The following PID1 variants were observed in gnomAD, a reference collection of about 807,000 sequenced individuals.
The protein encoded by PID1 is phosphotyrosine interaction domain containing 1, also known as PTB-containing, cubilin and LRP1-interacting protein.
In PID1, 10 loss-of-function variants were observed where a neutral mutation model predicts 19.1. The ratio of observed to expected loss-of-function variants is 0.52; its 90% CI spans 0.32 to 0.89. PID1 has a LOEUF of 0.89. Ranked by LOEUF, PID1 falls within the 40% of genes least tolerant of loss-of-function variation. The pLI is 0.03. For missense variants in PID1, 248 were observed against 285.3 expected, an observed-to-expected ratio of 0.87 and a Z score of 0.94; for synonymous variants, 130 against 116.0, an observed-to-expected ratio of 1.12 and a Z score of -0.78.
intron 1 of PID1, among the ~76,000 whole-genome samples, chr2:229,250,397 T>C (rs1372225129): frequency 6.6e-6 from 1 of 152,210 alleles, no homozygotes; most frequent in Admixed American, 6.5e-5. Flanking sequence ...TCTGATACCA[T>C]ATCAGACCCA....
intron 2 of PID1, among the ~76,000 whole-genome samples, chr2:229,082,807 T>C (rs1225127938): frequency 1.3e-5 from 2 of 152,140 alleles, no homozygotes; most frequent in Non-Finnish European, 2.9e-5. Flanking sequence ...AGATTTCAGA[T>C]TTTTAAGGCC....
At chr2:229,116,845 G>T (rs1385554581) in intron 2 of PID1, among the ~76,000 whole-genome samples, 2 of 151,950 alleles carry the variant, frequency 1.3e-5, no homozygotes, top group Non-Finnish European at 2.9e-5. Flanking sequence ...CACCCCAGTT[G>T]CTTTTTTTCA....
intron 1 of PID1, chr2:229,262,891 C>T: frequency 6.6e-7 from 1 of 1,517,632 alleles, no homozygotes; most frequent in Non-Finnish European, 8.8e-7. Flanking sequence ...CTGCAAATCT[C>T]TCCTTATAAG....
intron 2 of PID1, among the ~76,000 whole-genome samples, chr2:229,143,792 C>T (rs1202973427): frequency 6.6e-6 from 1 of 152,058 alleles, no homozygotes; most frequent in African/African-American, 2.4e-5. Flanking sequence ...CTTCCCCAAC[C>T]CCTGCTGCTA....
intron 2 of PID1, among the ~76,000 whole-genome samples, chr2:229,090,756 A>ATCAT (rs1694856119): frequency 1.3e-5 from 2 of 152,364 alleles, no homozygotes; most frequent in Non-Finnish European, 2.9e-5. Flanking sequence ...ATGAGTCATC[A>ATCAT]TCATTCATTC....
intron 1 of PID1, among the ~76,000 whole-genome samples, chr2:229,180,112 T>G (rs1690908139): frequency 6.6e-6 from 1 of 152,202 alleles, no homozygotes; most frequent in Non-Finnish European, 1.5e-5. Context: ...CTTCATCTTT[T>G]AAACCTCTGC....
At chr2:229,262,297 T>C (rs1361587192) in intron 1 of PID1, among the ~76,000 whole-genome samples, 1 of 152,202 alleles carries the variant, frequency 6.6e-6, no homozygotes, top group African/African-American at 2.4e-5. Flanking sequence ...TCTTCAGGCC[T>C]GAAGCTCATG....
At chr2:229,052,771 G>A (rs2106185267) in intron 2 of PID1, among the ~76,000 whole-genome samples, 2 of 152,134 alleles carry the variant, frequency 1.3e-5, no homozygotes, top group South Asian at 4.1e-4. Context: ...TTGACATGAG[G>A]AAAAAAGGTA....
At chr2:229,068,443 A>G (rs1190018791) in intron 2 of PID1, among the ~76,000 whole-genome samples, 1 of 1,228 alleles carries the variant, frequency 8.1e-4, no homozygotes, top group Non-Finnish European at 1.9e-3. Flanking sequence ...TTTGTCTTCA[A>G]CAAAAAAAAA....
At chr2:229,121,638 T>A in intron 2 of PID1, among the ~76,000 whole-genome samples, 1 of 152,232 alleles carries the variant, frequency 6.6e-6, no homozygotes, top group Non-Finnish European at 1.5e-5. Context: ...AAAATGGGCT[T>A]ATTCATTTGC....
At chr2:229,091,750 G>A (rs1694882385) in intron 2 of PID1, among the ~76,000 whole-genome samples, 1 of 152,146 alleles carries the variant, frequency 6.6e-6, no homozygotes, top group Admixed American at 6.6e-5. Context: ...ATGAACTGAG[G>A]CACTCACAAA....
intron 2 of PID1, among the ~76,000 whole-genome samples, chr2:229,068,083 G>A (rs1694368957): frequency 6.6e-6 from 1 of 152,166 alleles, no homozygotes; most frequent in Non-Finnish European, 1.5e-5. Context: ...TCTCACATTT[G>A]ACTGGAAAAC....
intron 2 of PID1, among the ~76,000 whole-genome samples, chr2:229,047,045 G>T (rs890992663): frequency 6.6e-6 from 1 of 152,114 alleles, no homozygotes; most frequent in Non-Finnish European, 1.5e-5. Context: ...TGTTTCCAAG[G>T]AAATGTCCTC....
intron 1 of PID1, among the ~76,000 whole-genome samples, chr2:229,217,174 T>C (rs1245119300): frequency 6.6e-6 from 1 of 152,196 alleles, no homozygotes; most frequent in Non-Finnish European, 1.5e-5. Flanking sequence ...GGGAGCCCTG[T>C]CTGAGCTTTG....
At chr2:229,193,913 A>G (rs764981325) in intron 1 of PID1, among the ~76,000 whole-genome samples, 4 of 152,098 alleles carry the variant, frequency 2.6e-5, no homozygotes, top group South Asian at 4.1e-4. Context: ...GCCATATGTT[A>G]TTTTCAAAAT....
chr2:229,042,611 G>A (rs889111102), intron 2 of PID1, among the ~76,000 whole-genome samples: 3 of 152,134 alleles, frequency 2.0e-5, no homozygotes, highest in African/African-American at 7.2e-5. Flanking sequence ...TGTATCCAGG[G>A]ATTTAACTGG....
intron 1 of PID1, among the ~76,000 whole-genome samples, chr2:229,160,488 C>T (rs1690470853): frequency 1.3e-5 from 2 of 152,208 alleles, no homozygotes; most frequent in Admixed American, 1.3e-4. Flanking sequence ...GCCAGGCAGG[C>T]ATGTGCCACA....
intron 1 of PID1, among the ~76,000 whole-genome samples, chr2:229,216,528 T>C (rs73998592): frequency 0.036 from 5,453 of 152,268 alleles, 285 homozygotes; most frequent in African/African-American, 0.12. Context: ...AGAAAAATGA[T>C]GGAGATGCTA....
chr2:229,181,658 A>T (rs1016148466), intron 1 of PID1, among the ~76,000 whole-genome samples: 8 of 152,244 alleles, frequency 5.3e-5, no homozygotes, highest in South Asian at 4.1e-4. Context: ...TATCCTTAGC[A>T]TCTTAATTTT....
Sources: allele counts gnomAD v4.1 joint callset (sites outside exome capture counted in the v4.1 genomes callset), GRCh38; gene constraint gnomAD v4.1.1; transcripts MANE v1.5; gene names NCBI Gene and HGNC (gene_info 2026-07-23, HGNC 2026-07-21).